Variants in MUC7 observed in about 807,000 individuals in gnomAD.
The protein encoded by MUC7 is mucin-7.
Under a neutral mutation model 2.5 loss-of-function variants are expected in MUC7, and 2 were observed. The ratio of observed to expected loss-of-function variants is 0.81; its 90% CI spans 0.33 to 2.55. The LOEUF (loss-of-function observed/expected upper bound fraction) is 2.55, where lower values mean the gene tolerates loss of function less well. Among genes scored for constraint, MUC7 ranks in the 30% most tolerant of loss-of-function variants. MUC7 has a pLI of 0.11. For missense variants in MUC7, 408 were observed against 455.6 expected, an observed-to-expected ratio of 0.90 and a Z score of 0.95; for synonymous variants, 133 against 173.4, an observed-to-expected ratio of 0.77 and a Z score of 1.83.
chr4:70,453,256 G>A (rs1734325226), intron 1 of MUC7, among the ~76,000 whole-genome samples: 3 of 152,242 alleles, frequency 2.0e-5, no homozygotes, highest in Admixed American at 6.5e-5. Context: ...CAGAGCTGTA[G>A]TCCAGGAAAC....
upstream of MUC7, among the ~76,000 whole-genome samples, chr4:70,467,475 GT>G (rs1560554663): frequency 6.6e-6 from 1 of 152,124 alleles, no homozygotes; most frequent in African/African-American, 2.4e-5. Flanking sequence ...CCAGGAGTTG[GT>G]TTTTTGAAAA....
chr4:70,439,181 A>T (rs1240568767), intron 1 of MUC7, among the ~76,000 whole-genome samples: 1 of 152,234 alleles, frequency 6.6e-6, no homozygotes, highest in African/African-American at 2.4e-5. Context: ...TTTAAGCTGA[A>T]TAAAAAGAGA....
intron 1 of MUC7, among the ~76,000 whole-genome samples, chr4:70,462,621 C>CT (rs111864968): frequency 9.8e-5 from 15 of 152,296 alleles, no homozygotes; most frequent in African/African-American, 3.6e-4. Context: ...ATATAATTAT[C>CT]TTTTTTGCAT....
At chr4:70,465,006 T>G (rs555175682) in intron 1 of MUC7, among the ~76,000 whole-genome samples, 38 of 152,210 alleles carry the variant, frequency 2.5e-4, no homozygotes, top group Non-Finnish European at 5.0e-4. Context: ...GAGTTCCGGT[T>G]GGCATCTGGC....
Position 70,465,269 on chromosome 4 carries a change from G to A in MUC7, c.-92-6946G>A, listed in dbSNP as rs568718466. Among the ~76,000 whole-genome samples the A allele has an allele frequency of 2.6e-5, 4 of 152,248 alleles. No homozygotes were observed. The South Asian group carries it at 6.2e-4, about 24-fold the overall frequency. Reference sequence around the variant, plus strand: ...AGGTCACCAACATCAAAGACCAATGGTAGATAAATCCACGAAGATGAGGAA... The same window carrying A: ...AGGTCACCAACATCAAAGACCAATGATAGATAAATCCACGAAGATGAGGAA... On this transcript the variant is annotated intron_variant, in intron 1 of 3. Coordinates refer to the MUC7 transcript ENST00000413702.
Position 70,474,060 on chromosome 4 carries a change from G to C in MUC7, c.39G>C (p.Leu13=). The change falls in exon 2 of 3, where the codon CTG becomes CTC. Residue 13 remains leucine (L), a synonymous_variant. Transcript: ENST00000304887. ...CGCTGTTTGTGTGCATCTGTGCACTGAGTGCTTGCTTCTCGGTAAGTATTC... is the reference window on the plus strand; with the variant it reads ...CGCTGTTTGTGTGCATCTGTGCACTCAGTGCTTGCTTCTCGGTAAGTATTC... The part of the protein sequence containing the change: ...TLPLFVCICA[L]SACFSFSEGR... 1 of 1,612,916 alleles carries C rather than the reference G, an allele frequency of 6.2e-7. No individual in the cohort carries two copies. Among genetic ancestry groups the C allele is most frequent in the Non-Finnish European group, 8.5e-7 (1 of 1,179,272 alleles).
chr4:70,458,207 G>GA (rs1257025636), intron 1 of MUC7, among the ~76,000 whole-genome samples: 1 of 150,464 alleles, frequency 6.6e-6, no homozygotes, highest in Admixed American at 6.7e-5. Flanking sequence ...ACACTGATTG[G>GA]AAAAAAATAC....
At chr4:70,450,981 C>T (rs755091450) in intron 1 of MUC7, among the ~76,000 whole-genome samples, 6 of 107,188 alleles carry the variant, frequency 5.6e-5, no homozygotes, top group African/African-American at 9.7e-5. Context: ...CATGCCCCCC[C>T]AGTCCACTGT....
intron 1 of MUC7, among the ~76,000 whole-genome samples, chr4:70,466,470 G>T (rs1422296415): frequency 6.6e-6 from 1 of 152,044 alleles, no homozygotes; most frequent in Non-Finnish European, 1.5e-5. Context: ...CTGGCAAATT[G>T]GATAAAGACT....
chr4:70,473,162 C>T (rs1231080647), intron 1 of MUC7, among the ~76,000 whole-genome samples: 5 of 152,110 alleles, frequency 3.3e-5, no homozygotes, highest in African/African-American at 1.2e-4. Flanking sequence ...CGGCCAGACA[C>T]GGTGGCTCAC....
intron 1 of MUC7, among the ~76,000 whole-genome samples, chr4:70,450,301 A>G (rs536876913): frequency 1.8e-4 from 28 of 152,172 alleles, no homozygotes; most frequent in African/African-American, 6.5e-4. Flanking sequence ...TCAGCTTGTC[A>G]TGTATGCTGT....
At position 70,435,799 on chromosome 4, in the gene MUC7, A is replaced by G. The variant is rs143388688; in HGVS notation, c.-93+5112A>G. Among the ~76,000 whole-genome samples the G allele has an allele frequency of 4.5e-3, 687 of 152,320 alleles. 6 individuals carry two copies. The highest frequency in any genetic ancestry group is 0.016 in the African/African-American group (663 of 41,568). On this transcript the variant is annotated intron_variant, in intron 1 of 3. Coordinates refer to the MUC7 transcript ENST00000413702. ...TTGATGCAGTTTCTTCCTAGCATCA[A>G]TGGTCTTTACACTTTGGCATGTTTT... is the stretch of plus-strand genomic sequence containing the variant.
At chr4:70,455,372 C>T (rs1204177181) in intron 1 of MUC7, among the ~76,000 whole-genome samples, 1 of 152,106 alleles carries the variant, frequency 6.6e-6, no homozygotes, top group African/African-American at 2.4e-5. Context: ...TCATATAAAA[C>T]TGTTCTTATA....
intron 1 of MUC7, among the ~76,000 whole-genome samples, chr4:70,464,119 G>T (rs1734623387): frequency 2.6e-5 from 4 of 152,172 alleles, no homozygotes; most frequent in Admixed American, 2.6e-4. Context: ...GCAGGGTGGG[G>T]CGTCACCTTG....
intron 1 of MUC7, among the ~76,000 whole-genome samples, chr4:70,447,371 G>A (rs185359455): frequency 1.3e-5 from 2 of 152,088 alleles, no homozygotes; most frequent in East Asian, 1.9e-4. Flanking sequence ...TCTTTACAAC[G>A]TGTTTAGAAC....
chr4:70,431,306 G>C (rs1733658378), intron 1 of MUC7, among the ~76,000 whole-genome samples: 1 of 151,890 alleles, frequency 6.6e-6, no homozygotes, highest in Non-Finnish European at 1.5e-5. Flanking sequence ...TTGCCTTATA[G>C]AGTCAATTCA....
intron 1 of MUC7, among the ~76,000 whole-genome samples, chr4:70,445,982 T>C (rs776696679): frequency 6.6e-6 from 1 of 152,182 alleles, no homozygotes; most frequent in Non-Finnish European, 1.5e-5. Context: ...CATCATCTCA[T>C]GGCCACTCAC....
intron 1 of MUC7, among the ~76,000 whole-genome samples, chr4:70,450,285 C>T (rs770363388): frequency 1.3e-5 from 2 of 152,190 alleles, no homozygotes; most frequent in Non-Finnish European, 2.9e-5. Context: ...TCCAAGGTCT[C>T]TTACTTCAGC....
At position 70,481,336 on chromosome 4, in the gene MUC7, A is replaced by T. The variant is rs1420406431; in HGVS notation, c.592A>T (p.Thr198Ser). The T allele has an allele frequency of 6.2e-7, 1 of 1,609,484 alleles. No individual in the cohort carries two copies. Residue 198 changes from threonine to serine, a missense_variant, in exon 3 of 3, where the codon ACT (threonine) becomes TCT (serine). Thr to Ser is a moderately conservative substitution (Grantham distance 58). Around this residue, in one of 3 missense-constraint regions of MUC7, gnomAD observed 225 missense variants for 240.5 expected, o/e 0.94. Transcript: ENST00000304887. ...TTAAPPTPSA[T>S]TQAPPSSSAP... ...AGCTGCCCCACCCACACCTTCTGCAACTACACAAGCTCCACCATCTTCCTC... is the reference window on the plus strand; with the variant it reads ...AGCTGCCCCACCCACACCTTCTGCATCTACACAAGCTCCACCATCTTCCTC...
Sources: gnomAD v4.1 joint callset for allele counts (sites outside exome capture counted in the v4.1 genomes callset) on GRCh38, gnomAD v4.1.1 for gene constraint, gnomAD v4.1.1 regional missense constraint, MANE v1.5 for transcripts, NCBI Gene and HGNC (gene_info 2026-07-23, HGNC 2026-07-21) for gene names.